Variants in HPSE2 observed in about 807,000 individuals in gnomAD.
HPSE2 encodes the protein heparanase 2 (inactive), also known as inactive heparanase-2.
Under a neutral mutation model 60.5 loss-of-function variants are expected in HPSE2, and 38 were observed. That is an observed-to-expected ratio of 0.63 (90% CI 0.48 to 0.82). HPSE2 has a LOEUF of 0.82. Ranked by LOEUF, HPSE2 falls within the 40% of genes least tolerant of loss-of-function variation. HPSE2 has a pLI of 0.00. For synonymous variants in HPSE2, 295 were observed against 293.2 expected (o/e 1.01, Z -0.06); for missense variants, 713 against 740.4 (o/e 0.96, Z 0.43).
intron 9 of HPSE2, among the ~76,000 whole-genome samples, chr10:98,507,107 C>T (rs372930583): frequency 4.6e-5 from 7 of 152,136 alleles, no homozygotes; most frequent in East Asian, 3.9e-4. Flanking sequence ...TATGTGTATA[C>T]GAATAGGTTA....
intron 3 of HPSE2, among the ~76,000 whole-genome samples, chr10:98,837,089 C>A (rs1266391110): frequency 2.6e-5 from 4 of 152,102 alleles, no homozygotes; most frequent in Non-Finnish European, 5.9e-5. Flanking sequence ...TGATTATAAT[C>A]TTTAATCACA....
At position 98,598,291 on chromosome 10, in the gene HPSE2, G is replaced by A. The variant is rs542347883; in HGVS notation, c.1320+16613C>T. Among the ~76,000 whole-genome samples, 6 of 152,248 alleles carry A rather than the reference G, an allele frequency of 3.9e-5. No homozygotes were observed. In the East Asian group the frequency reaches 1.2e-3, roughly 30 times the overall value. On this transcript the variant is annotated intron_variant, in intron 9 of 11. Coordinates refer to ENST00000370552, the MANE Select transcript of HPSE2 (RefSeq NM_021828.5). Reference sequence around the variant, plus strand: ...GTGGTCCATAGATGGGCTTGCTGCTGGAGTCTTTGGGCAGGCTGACCTGGT... The same window carrying A: ...GTGGTCCATAGATGGGCTTGCTGCTAGAGTCTTTGGGCAGGCTGACCTGGT...
chr10:98,476,285 G>A lies in HPSE2; in HGVS notation c.1613+6351C>T, dbSNP rs535758054. On this transcript the variant is annotated intron_variant, in intron 11 of 11. Transcript: ENST00000370552. ...GGGAATTGAACAATGAGAACACATGGACACAGGAAGGGGAACATCACACTC... is the reference window on the plus strand; with the variant it reads ...GGGAATTGAACAATGAGAACACATGAACACAGGAAGGGGAACATCACACTC... Among the ~76,000 whole-genome samples, 37 of 140,188 alleles carry A rather than the reference G, an allele frequency of 2.6e-4. No homozygotes were observed. In the East Asian group the frequency reaches 8.0e-3, roughly 30 times the overall value. The allele number at this position is 140,188 out of a possible 152,430, so 92.0% of individuals were successfully genotyped here. A position where few individuals can be genotyped will look rare whatever the true frequency, so the allele number is the denominator to read the frequency against.
chr10:98,483,104 G>C (rs574657220), intron 10 of HPSE2, among the ~76,000 whole-genome samples: 1 of 152,152 alleles, frequency 6.6e-6, no homozygotes, highest in East Asian at 1.9e-4. Flanking sequence ...AAAATATTGA[G>C]AAACAAAAAG....
chr10:98,858,683 G>T (rs537206925), intron 3 of HPSE2, among the ~76,000 whole-genome samples: 2 of 152,322 alleles, frequency 1.3e-5, no homozygotes, highest in African/African-American at 2.4e-5. Flanking sequence ...TAAGGGGAAT[G>T]ATTTCCAAGA....
intron 3 of HPSE2, among the ~76,000 whole-genome samples, chr10:98,890,139 C>T (rs1953292287): frequency 2.0e-5 from 3 of 152,124 alleles, no homozygotes; most frequent in South Asian, 4.1e-4. Context: ...AGGCCTGCCC[C>T]ACTAACAACC....
intron 3 of HPSE2, among the ~76,000 whole-genome samples, chr10:98,759,900 A>G (rs1949966942): frequency 6.6e-6 from 1 of 152,094 alleles, no homozygotes; most frequent in South Asian, 2.1e-4. Context: ...ACATTTTAAC[A>G]ATATTATTTG....
chr10:98,683,826 C>A (rs1235544117), intron 6 of HPSE2, among the ~76,000 whole-genome samples: 1 of 151,892 alleles, frequency 6.6e-6, no homozygotes, highest in Admixed American at 6.6e-5. Context: ...CAGGGTCTAA[C>A]CACATACCTA....
chr10:98,969,040 T>C (rs2135260460), intron 3 of HPSE2, among the ~76,000 whole-genome samples: 1 of 152,264 alleles, frequency 6.6e-6, no homozygotes, highest in African/African-American at 2.4e-5. Context: ...CTGCATTCCA[T>C]AAAATTAATT....
At position 98,614,924 on chromosome 10, in the gene HPSE2, G is replaced by A; in HGVS notation, c.1300C>T (p.Gln434Ter). The A allele has an allele frequency of 1.2e-6, 2 of 1,612,510 alleles. No homozygotes were observed. Among genetic ancestry groups the A allele is most frequent in the African/African-American group, 1.3e-5 (1 of 74,972 alleles). The part of the protein sequence containing the change: ...FDHGYNHLVD[Q>*]NFNPLPDYWL... Reference sequence around the variant, plus strand: ...CTTACTGGTAATGGGTTAAAATTCTGGTCCACGAGGTGATTGTATCCATGG... The same window carrying A: ...CTTACTGGTAATGGGTTAAAATTCTAGTCCACGAGGTGATTGTATCCATGG... Residue 434 changes from glutamine (Q) to a stop codon, truncating the protein, a stop_gained, in exon 9 of 12, where the codon CAG becomes TAG. Transcript: ENST00000370552. LOFTEE classifies it high-confidence loss of function.
In HPSE2 at chr10:99,233,059, A is replaced by G. The variant is rs555249860; in HGVS notation, c.291-554T>C. The stretch of plus-strand genomic sequence containing the variant: ...AGGCCCGGCGCCTGAGCTTAAGTGG[A>G]TTCCTACTTTCTTTCTTTTAATGTC... On this transcript the variant is annotated intron_variant, in intron 1 of 11. Coordinates refer to ENST00000370552, the MANE Select transcript of HPSE2 (RefSeq NM_021828.5). Among the ~76,000 whole-genome samples, 6 of 152,298 alleles carry G rather than the reference A, an allele frequency of 3.9e-5. No homozygotes were observed. In the South Asian group the frequency reaches 1.2e-3, roughly 32 times the overall value.
At chr10:98,976,676 T>C (rs192235103) in intron 3 of HPSE2, among the ~76,000 whole-genome samples, 1 of 151,344 alleles carries the variant, frequency 6.6e-6, no homozygotes, top group African/African-American at 2.4e-5. Flanking sequence ...ACACCTGAAG[T>C]AAGGAACAGT....
chr10:98,460,073 G>A (rs1397631359), intron 11 of HPSE2, among the ~76,000 whole-genome samples: 1 of 152,048 alleles, frequency 6.6e-6, no homozygotes, highest in Non-Finnish European at 1.5e-5. Context: ...ATTTAGACAA[G>A]TGAAAAGTCT....
At chr10:99,242,062 T>TG in the HPSE2 span, among the ~76,000 whole-genome samples, 1 of 152,166 alleles carries the variant, frequency 6.6e-6, no homozygotes, top group Admixed American at 6.5e-5. Context: ...TTTGATTTTC[T>TG]ACTAGGAAAG....
At chr10:98,983,950 C>G (rs1471813174) in intron 3 of HPSE2, among the ~76,000 whole-genome samples, 2 of 152,160 alleles carry the variant, frequency 1.3e-5, no homozygotes, top group African/African-American at 4.8e-5. Context: ...CGGGGAGGGG[C>G]GACCCTCATT....
chr10:98,636,000 G>A (rs1355341518), intron 7 of HPSE2, among the ~76,000 whole-genome samples: 3 of 152,066 alleles, frequency 2.0e-5, no homozygotes, highest in Non-Finnish European at 4.4e-5. Context: ...AAAGTAGAGA[G>A]TAAAACAGTG....
chr10:99,169,233 C>T (rs529387714), intron 2 of HPSE2, among the ~76,000 whole-genome samples: 3 of 138,220 alleles, frequency 2.2e-5, no homozygotes, highest in African/African-American at 2.7e-5. Context: ...AGGCTGGGCA[C>T]GGTGGCTCAC....
chr10:98,466,954 C>T (rs1456129736), intron 11 of HPSE2, among the ~76,000 whole-genome samples: 9 of 152,216 alleles, frequency 5.9e-5, no homozygotes, highest in Non-Finnish European at 1.0e-4. Context: ...CCAAGAGGCT[C>T]ACTCTAGCTC....
At chr10:99,080,734 G>C (rs1445263288) in intron 3 of HPSE2, among the ~76,000 whole-genome samples, 1 of 152,112 alleles carries the variant, frequency 6.6e-6, no homozygotes, top group Non-Finnish European at 1.5e-5. Flanking sequence ...GTGGCAGATG[G>C]GTTAAAGATG....
Sources: allele counts gnomAD v4.1 joint callset (sites outside exome capture counted in the v4.1 genomes callset), GRCh38; gene constraint gnomAD v4.1.1; transcripts MANE v1.5; gene names NCBI Gene and HGNC (gene_info 2026-07-23, HGNC 2026-07-21).